The following AK2 variants were observed in gnomAD, a reference collection of about 807,000 sequenced individuals.
The protein encoded by AK2 is adenylate kinase 2, also known as adenylate kinase 2, mitochondrial.
Under a neutral mutation model 24.6 loss-of-function variants are expected in AK2, and 15 were observed. The ratio of observed to expected loss-of-function variants is 0.61; its 90% CI spans 0.41 to 0.94. The LOEUF is 0.94. AK2 is among the 40% of genes least tolerant of loss of function. AK2 has a pLI of 0.00. For missense variants in AK2, 257 were observed against 304.1 expected, an observed-to-expected ratio of 0.85 and a Z score of 1.15; for synonymous variants, 102 against 114.0, an observed-to-expected ratio of 0.90 and a Z score of 0.67.
rs1490371607 is a variant in AK2, at chr1:33,009,505, A to G, written c.*3676T>C. On this transcript the variant is annotated 3_prime_UTR_variant, in exon 6 of 6. Transcript: ENST00000672715. ...ATCTTTCTGTGTATATCTGGATCCA[A>G]CTAACATTTATCCAATGTCTGTTGC... 2.2e-6 allele frequency: 1 copy of G among 454,040 alleles called. No homozygotes were observed. The allele number at this position is 454,040 out of a possible 1,614,324, so 28.1% of individuals were successfully genotyped here.
In AK2 at chr1:33,010,480, C is replaced by G; in HGVS notation, c.*2701G>C. 3.3e-6 allele frequency: 2 copies of G among 605,564 alleles called. No individual in the cohort carries two copies. Among genetic ancestry groups the G allele is most frequent in the South Asian group, 1.5e-5 (1 of 65,940 alleles). 37.5% of individuals were successfully genotyped at this position (605,564 alleles called of 1,614,324 possible). On this transcript the variant is annotated 3_prime_UTR_variant, in exon 6 of 6. Coordinates refer to ENST00000672715, the MANE Select transcript of AK2 (RefSeq NM_001625.4). ...AACCCATGGGGTTCTGAGATAAAAG[C>G]TGAGGTCTTAGAGCACTGGCTTTAA...
In AK2 at chr1:33,008,200, A is replaced by G; in HGVS notation, c.*4981T>C. On this transcript the variant is annotated 3_prime_UTR_variant, in exon 6 of 6. Coordinates refer to ENST00000672715, the MANE Select transcript of AK2 (RefSeq NM_001625.4). ...CTGTGTCCTGGGCAGTCCAACCCACATGAGTATCTTGGTCACTAGTGTCAT... is the reference window on the plus strand; with the variant it reads ...CTGTGTCCTGGGCAGTCCAACCCACGTGAGTATCTTGGTCACTAGTGTCAT... 2.2e-6 allele frequency: 1 copy of G among 454,282 alleles called. No individual in the cohort carries two copies. 28.1% of individuals were successfully genotyped at this position (454,282 alleles called of 1,614,324 possible). A position where few individuals can be genotyped will look rare whatever the true frequency, so the allele number is the denominator to read the frequency against.
intron 2 of AK2, 146 bp from the exon 3 acceptor site, chr1:33,021,849 G>C: frequency 1.4e-6 from 1 of 693,770 alleles, no homozygotes; most frequent in East Asian, 2.7e-5. Context: ...AAAAATAAAA[G>C]CAAACGTGAA....
intron 1 of AK2, chr1:33,030,943 G>A (rs1640199556): frequency 6.6e-6 from 1 of 152,206 alleles, no homozygotes; most frequent in African/African-American, 2.4e-5. Flanking sequence ...ATGGGTGTAA[G>A]CTACACAAAT....
At chr1:33,021,493 C>A (rs1394265545) in intron 3 of AK2, 32 bp from the exon 4 acceptor site, 1 of 1,609,500 alleles carries the variant, frequency 6.2e-7, no homozygotes, top group South Asian at 1.1e-5. Flanking sequence ...ACCTAAGCTA[C>A]CAGAGCTTGG....
intron 4 of AK2, among the ~76,000 whole-genome samples, chr1:33,021,038 T>TGGGATTATA (rs1164704293): frequency 6.6e-6 from 1 of 150,384 alleles, no homozygotes; most frequent in African/African-American, 2.5e-5. Context: ...CCCAGCTACT[T>TGGGATTATA]GGGAGGTTGA....
intron 4 of AK2, chr1:33,019,998 G>C (rs989114511): frequency 1.4e-5 from 21 of 1,497,340 alleles, no homozygotes; most frequent in Middle Eastern, 3.4e-4. Context: ...ATAAAGAAGG[G>C]AATGGAGGGT....
At chr1:33,020,830 GT>G (rs1328910748) in intron 4 of AK2, among the ~76,000 whole-genome samples, 3 of 139,986 alleles carry the variant, frequency 2.1e-5, no homozygotes, top group African/African-American at 5.5e-5. Flanking sequence ...GGGTGACAGA[GT>G]AAGACTCTGT....
In AK2 at chr1:33,021,228, A is replaced by G. The variant is rs1223264462; in HGVS notation, c.425+139T>C. The stretch of plus-strand genomic sequence containing the variant: ...TTCCATATCCCGATCCCATCTCACC[A>G]CTTCAGCGGATGTCACCAAATAAAA... On this transcript the variant is annotated intron_variant, in intron 4 of 5. Coordinates refer to ENST00000672715, the MANE Select transcript of AK2 (RefSeq NM_001625.4). 3 of 786,152 alleles carry G rather than the reference A, an allele frequency of 3.8e-6. No homozygotes were observed. The African/African-American group carries it at 5.1e-5, about 13-fold the overall frequency. The allele number at this position is 786,152 out of a possible 1,614,324, so 48.7% of individuals were successfully genotyped here.
intron 1 of AK2, chr1:33,031,106 G>C (rs574870657): frequency 1.6e-4 from 25 of 152,326 alleles, no homozygotes; most frequent in African/African-American, 6.0e-4. Context: ...TGGGTGGACA[G>C]GAGGATGAAC....
Position 33,011,584 on chromosome 1 carries a change from T to G in AK2, c.*1597A>C. The G allele has an allele frequency of 7.8e-7, 1 of 1,287,948 alleles. No individual in the cohort carries two copies. Among genetic ancestry groups the G allele is most frequent in the Non-Finnish European group, 1.0e-6 (1 of 989,224 alleles). The allele number at this position is 1,287,948 out of a possible 1,614,324, so 79.8% of individuals were successfully genotyped here. A position where few individuals can be genotyped will look rare whatever the true frequency, so the allele number is the denominator to read the frequency against. On this transcript the variant is annotated 3_prime_UTR_variant, in exon 6 of 6. Transcript: ENST00000672715. Reference sequence around the variant, plus strand: ...GGAGGCTGGGCACTTTAGAGTCCACTGAATCGAGTCAGCAGCAGATTATGC... The same window carrying G: ...GGAGGCTGGGCACTTTAGAGTCCACGGAATCGAGTCAGCAGCAGATTATGC...
Position 33,012,169 on chromosome 1 carries a change from G to A in AK2, c.*1012C>T. On this transcript the variant is annotated 3_prime_UTR_variant, in exon 6 of 6. Transcript: ENST00000672715. ...TGAATTCAAAAGGACCTTTCACCTG[G>A]TTTAATTCTCTGGCAACAATTCAGT... 6.5e-7 allele frequency: 1 copy of A among 1,535,442 alleles called. No homozygotes were observed. Among genetic ancestry groups the A allele is most frequent in the Admixed American group, 2.0e-5 (1 of 50,980 alleles).
chr1:33,024,273 T>G (rs1409926806), intron 2 of AK2, 169 bp downstream of exon 2: 27 of 907,540 alleles, frequency 3.0e-5, no homozygotes, highest in Non-Finnish European at 3.8e-5. Context: ...AAGTTCTGTA[T>G]CAGCGTTGGC....
chr1:33,021,261 A>T, intron 4 of AK2, 106 bp downstream of exon 4: 2 of 973,210 alleles, frequency 2.1e-6, no homozygotes, highest in Non-Finnish European at 3.3e-6. Flanking sequence ...AAATCAATCC[A>T]TGTTGAAATG....
Position 33,008,415 on chromosome 1 carries a change from T to C in AK2, c.*4766A>G. ...CTGCTGTGTTCTGTCAGTGACACTT[T>C]GTGCACACAGGAGATCCTAAGACAC... On this transcript the variant is annotated 3_prime_UTR_variant, in exon 6 of 6. Coordinates refer to ENST00000672715, the MANE Select transcript of AK2 (RefSeq NM_001625.4). The C allele has an allele frequency of 2.2e-6, 1 of 454,098 alleles. No homozygotes were observed. Among genetic ancestry groups the C allele is most frequent in the South Asian group, 1.6e-5 (1 of 64,472 alleles). 28.1% of individuals were successfully genotyped at this position (454,098 alleles called of 1,614,324 possible). A position where few individuals can be genotyped will look rare whatever the true frequency, so the allele number is the denominator to read the frequency against.
At chr1:33,035,962 T>A (rs1199489121) in intron 1 of AK2, among the ~76,000 whole-genome samples, 24 of 151,200 alleles carry the variant, frequency 1.6e-4, no homozygotes, top group Admixed American at 1.6e-3. Flanking sequence ...CAAACAAAAA[T>A]AATAAAAACA....
At chr1:33,014,367 C>T in intron 5 of AK2, 155 bp downstream of exon 5, 4 of 653,040 alleles carry the variant, frequency 6.1e-6, no homozygotes, top group South Asian at 5.6e-5. Context: ...AGATCTGACA[C>T]AGGCCATGTG....
intron 1 of AK2, 124 bp downstream of exon 1, chr1:33,036,612 C>T: frequency 1.1e-6 from 1 of 895,248 alleles, no homozygotes. Flanking sequence ...GAGACCCCGG[C>T]CAGCGTTCCC....
chr1:33,026,413 A>G (rs1639886904), intron 1 of AK2, among the ~76,000 whole-genome samples: 1 of 152,226 alleles, frequency 6.6e-6, no homozygotes, highest in Admixed American at 6.5e-5. Flanking sequence ...GGTGCACACA[A>G]TAAAAGGTAC....
Sources: gnomAD v4.1 joint callset for allele counts (sites outside exome capture counted in the v4.1 genomes callset) on GRCh38, gnomAD v4.1.1 for gene constraint, MANE v1.5 for transcripts, NCBI Gene and HGNC (gene_info 2026-07-23, HGNC 2026-07-21) for gene names.